Variants in KIF12 observed in about 807,000 individuals in gnomAD.
The protein encoded by KIF12 is kinesin-like protein KIF12.
In KIF12, 80 loss-of-function variants were observed where a neutral mutation model predicts 87.9. The ratio of observed to expected loss-of-function variants is 0.91; its 90% CI spans 0.76 to 1.10. The LOEUF (loss-of-function observed/expected upper bound fraction) is 1.10, where lower values mean the gene tolerates loss of function less well. KIF12 is among the 50% of genes least tolerant of loss of function. The pLI is 0.00. For missense variants in KIF12, 819 were observed against 865.3 expected (o/e 0.95, Z 0.67); for synonymous variants, 353 against 348.5 (o/e 1.01, Z -0.14).
At chr9:114,098,506 GA>G in intron 3 of KIF12, 77 bp from the exon 4 acceptor site, 1 of 796,838 alleles carries the variant, frequency 1.3e-6, no homozygotes, top group South Asian at 2.8e-5. Flanking sequence ...CACCGTGGAG[GA>G]GGGCGGGGCA....
chr9:114,094,457 T>C lies in KIF12; in HGVS notation c.1120-2A>G, dbSNP rs1477716936. ...CTGGGGCTGCTTTGCCACAGGAGAC[T>C]GTAGGGAAAGAGGCCCAGAGCCACC... On this transcript the variant is annotated splice_acceptor_variant, in intron 11 of 18. Coordinates refer to ENST00000640217, the MANE Select transcript of KIF12 (RefSeq NM_001388308.1). LOFTEE classifies it high-confidence loss of function. 1 of 1,599,964 alleles carries C rather than the reference T, an allele frequency of 6.3e-7. No individual in the cohort carries two copies. The highest frequency in any genetic ancestry group is 8.6e-7 in the Non-Finnish European group (1 of 1,168,652).
rs758275440 is a variant in KIF12 at position 114,091,910 on chromosome 9, G to C, written c.1907C>G (p.Pro636Arg). 2 of 1,612,974 alleles carry C rather than the reference G, an allele frequency of 1.2e-6. No individual in the cohort carries two copies. Among genetic ancestry groups the C allele is most frequent in the East Asian group, 4.5e-5 (2 of 44,866 alleles). Residue 636 changes from proline (P) to arginine (R), a missense_variant, in exon 19 of 19, where the codon CCC becomes CGC. Coordinates refer to ENST00000640217, the MANE Select transcript of KIF12 (RefSeq NM_001388308.1). Reference sequence around the variant, plus strand: ...TGGGCTCCGTGCGCCCTCACTGCAGGGTGGCTGGCTGCGGCCACGTCGCAG... The same window carrying C: ...TGGGCTCCGTGCGCCCTCACTGCAGCGTGGCTGGCTGCGGCCACGTCGCAG... The part of the protein sequence containing the change: ...SSLRRGRSQP[P>R]CSEGARSPGQ...
intron 13 of KIF12, 101 bp downstream of exon 13, chr9:114,094,080 C>T (rs1329570549): frequency 1.4e-6 from 2 of 1,446,502 alleles, no homozygotes; most frequent in African/African-American, 1.4e-5. Flanking sequence ...CAGGTGGGGA[C>T]ATAAGGGAGC....
rs770823288 is a variant in KIF12, at chr9:114,092,299, A to G, written c.1816+34T>C. The G allele has an allele frequency of 2.6e-6, 4 of 1,517,844 alleles. No homozygotes were observed. The African/African-American group carries it at 4.2e-5, about 16-fold the overall frequency. The allele number at this position is 1,517,844 out of a possible 1,614,324, so 94.0% of individuals were successfully genotyped here. ...GGGTTCTACCCCAAGATCACAGAGA[A>G]CATTAGGGGCCCCTCCCTCTCTCCC... On this transcript the variant is annotated intron_variant, in intron 18 of 18. Transcript: ENST00000640217.
chr9:114,092,238 C>T (rs1424705699), intron 18 of KIF12, 95 bp downstream of exon 18: 3 of 1,483,998 alleles, frequency 2.0e-6, no homozygotes, highest in South Asian at 1.4e-5. Context: ...CAACACCCAC[C>T]CCATTTCAGA....
At position 114,094,386 on chromosome 9, in the gene KIF12, G is replaced by C. The variant is rs1156702025; in HGVS notation, c.1189C>G (p.Leu397Val). 1.2e-6 allele frequency: 2 copies of C among 1,613,942 alleles called. No individual in the cohort carries two copies. Among genetic ancestry groups the C allele is most frequent in the Admixed American group, 3.3e-5 (2 of 60,002 alleles). Residue 397 changes from leucine to valine, a missense_variant, in exon 12 of 19, where the codon CTG (leucine) becomes GTG (valine). Physicochemically the swap from Leu to Val is conservative, Grantham distance 32. Transcript: ENST00000640217. ...MLQLQEENRR[L>V]QFQLDQMDCK... ...TCCATTTGGTCCAGCTGGAACTGCA[G>C]GCGACGGTTCTCCTCCTGGAGCTGC...
intron 11 of KIF12, 63 bp from the exon 12 acceptor site, chr9:114,094,518 T>G: frequency 1.0e-6 from 1 of 975,908 alleles, no homozygotes; most frequent in Non-Finnish European, 1.6e-6. Context: ...GCACAAGAAC[T>G]TCCGGGTGTG....
chr9:114,098,507 A>ACCGTGGT, intron 3 of KIF12, 78 bp from the exon 4 acceptor site: 1 of 387,136 alleles, frequency 2.6e-6, no homozygotes, highest in Non-Finnish European at 3.3e-6. Flanking sequence ...ACCGTGGAGG[A>ACCGTGGT]GGGCGGGGCA....
At position 114,093,945 on chromosome 9, in the gene KIF12, G is replaced by A. The variant is rs753706986; in HGVS notation, c.1341C>T (p.Ser447=). The A allele has an allele frequency of 1.2e-6, 2 of 1,614,102 alleles. No individual in the cohort carries two copies. Among genetic ancestry groups the A allele is most frequent in the Non-Finnish European group, 8.5e-7 (1 of 1,180,016 alleles). The change falls in exon 14 of 19, where the codon AGC becomes AGT. Residue 447 remains serine (S), a synonymous_variant. Coordinates refer to ENST00000640217, the MANE Select transcript of KIF12 (RefSeq NM_001388308.1). ...GCTGCTCATTCTGGGCCAGGTCTCG[G>A]CTATTCTGCAGCTGGCTCTTTTCTT... ...LRKEKSQLQN[S]RDLAQNEQRI...
Position 114,091,829 on chromosome 9 carries a change from A to G in KIF12, c.*32T>C. ...AGAGTGTGGAGCCCAGTCTGAGGTC[A>G]CACAGCAGTCTCCTGGGTTCCCACT... On this transcript the variant is annotated 3_prime_UTR_variant, in exon 19 of 19. Transcript: ENST00000640217. 6.4e-7 allele frequency: 1 copy of G among 1,564,742 alleles called. No individual in the cohort carries two copies. Among genetic ancestry groups the G allele is most frequent in the Non-Finnish European group, 8.7e-7 (1 of 1,149,650 alleles).
chr9:114,091,945 A>C lies in KIF12; in HGVS notation c.1872T>G (p.Ile624Met), dbSNP rs1384456200. 6.2e-7 allele frequency: 1 copy of C among 1,612,960 alleles called. No homozygotes were observed. The highest frequency in any genetic ancestry group is 1.7e-5 in the Admixed American group (1 of 60,006). Residue 624 changes from isoleucine to methionine, a missense_variant, in exon 19 of 19, where the codon ATT (isoleucine) becomes ATG (methionine). By Grantham distance (10) the Ile-to-Met change is conservative. Transcript: ENST00000640217. Reference sequence around the variant, plus strand: ...TGCGGCCACGTCGCAGGGAGCTGCCAATCTGGTCTCTGAGGGCCTCCAGTC... The same window carrying C: ...TGCGGCCACGTCGCAGGGAGCTGCCCATCTGGTCTCTGAGGGCCTCCAGTC... ...AQRLEALRDQ[I>M]GSSLRRGRSQ...
Position 114,091,763 on chromosome 9 carries a change from A to T in KIF12, c.*98T>A. On this transcript the variant is annotated 3_prime_UTR_variant, in exon 19 of 19. Coordinates refer to ENST00000640217, the MANE Select transcript of KIF12 (RefSeq NM_001388308.1). Reference sequence around the variant, plus strand: ...CTAGCCCAGCTGCAGGTGGAGTAGCAGCTGCTGTCTCCATTCAGCAGATGG... The same window carrying T: ...CTAGCCCAGCTGCAGGTGGAGTAGCTGCTGCTGTCTCCATTCAGCAGATGG... The T allele has an allele frequency of 7.8e-7, 1 of 1,279,090 alleles. No homozygotes were observed. The highest frequency in any genetic ancestry group is 1.1e-6 in the Non-Finnish European group (1 of 946,872). The allele number at this position is 1,279,090 out of a possible 1,614,324, so 79.2% of individuals were successfully genotyped here. A position where few individuals can be genotyped will look rare whatever the true frequency, so the allele number is the denominator to read the frequency against.
At chr9:114,097,843 A>G in intron 5 of KIF12, 102 bp from the exon 6 acceptor site, 1 of 1,311,102 alleles carries the variant, frequency 7.6e-7, no homozygotes, top group East Asian at 2.5e-5. Context: ...CAAGTTCCCA[A>G]ACAATGGCTC....
rs979162652 is a variant in KIF12 at position 114,099,196 on chromosome 9, A to G, written c.27-27T>C. 7 of 1,550,274 alleles carry G rather than the reference A, an allele frequency of 4.5e-6. No homozygotes were observed. In the African/African-American group the frequency reaches 9.7e-5, roughly 21 times the overall value. ...TGTGGGCAGCAATGCGACTTATCAT[A>G]CCTGCACCTAGCGGCTGTTCAGGAC... On this transcript the variant is annotated intron_variant, in intron 1 of 18. Coordinates refer to ENST00000640217, the MANE Select transcript of KIF12 (RefSeq NM_001388308.1).
chr9:114,093,217 G>A lies in KIF12; in HGVS notation c.1596+12C>T. Reference sequence around the variant, plus strand: ...CCCAGCCTTCCCTCACTCCCACCATGGCCTTTCCTACCTGGGGCAGGTGGT... The same window carrying A: ...CCCAGCCTTCCCTCACTCCCACCATAGCCTTTCCTACCTGGGGCAGGTGGT... On this transcript the variant is annotated intron_variant, in intron 16 of 18. Transcript: ENST00000640217. The A allele has an allele frequency of 3.2e-6, 5 of 1,544,690 alleles. No homozygotes were observed. The highest frequency in any genetic ancestry group is 4.4e-6 in the Non-Finnish European group (5 of 1,140,858).
chr9:114,093,619 G>C (rs1181118973), intron 14 of KIF12, 122 bp from the exon 15 acceptor site: 1 of 822,338 alleles, frequency 1.2e-6, no homozygotes, highest in Non-Finnish European at 2.0e-6. Flanking sequence ...CATTCTCAAA[G>C]TTTTACATGT....
intron 16 of KIF12, 22 bp from the exon 17 acceptor site, chr9:114,092,664 ACTCTGGGTGAC>A (rs1352489705): frequency 6.4e-7 from 1 of 1,557,044 alleles, no homozygotes; most frequent in Non-Finnish European, 8.6e-7. Flanking sequence ...ACCAGAGTCC[ACTCTGGGTGAC>A]CTCAGTCCTG....
rs370397748 is a variant in KIF12, at chr9:114,095,228, C to T, written c.1000G>A (p.Gly334Arg). The change falls in exon 10 of 19, where the codon GGG becomes AGG. Residue 334 changes from glycine (G) to arginine (R), a missense_variant. Physicochemically the swap from Gly to Arg is moderately radical, Grantham distance 125. Transcript: ENST00000640217. ...CGCTTAAGTACCATGAGGGTGACCC[C>T]GCGCCCTCCCAGTGAGTCTGCCAGC... is the stretch of plus-strand genomic sequence containing the variant. ...KLLADSLGGRGVTLMVACVSP... is the reference protein window; with the variant it reads ...KLLADSLGGRRVTLMVACVSP... 62 of 1,613,666 alleles carry T rather than the reference C, an allele frequency of 3.8e-5. No homozygotes were observed. Among genetic ancestry groups the T allele is most frequent in the African/African-American group, 6.7e-5 (5 of 74,916 alleles).
rs1459902222 is a variant in KIF12, at chr9:114,099,022, C to T, written c.93-9G>A. Reference sequence around the variant, plus strand: ...CGCTCATGGGACGTACCCTGGGGTCCGACAGAAGGGCAGATGGTACATCCT... The same window carrying T: ...CGCTCATGGGACGTACCCTGGGGTCTGACAGAAGGGCAGATGGTACATCCT... On this transcript the variant is annotated splice_polypyrimidine_tract_variant and intron_variant, in intron 2 of 18. Coordinates refer to ENST00000640217, the MANE Select transcript of KIF12 (RefSeq NM_001388308.1). 1.9e-6 allele frequency: 3 copies of T among 1,550,296 alleles called. No individual in the cohort carries two copies. The highest frequency in any genetic ancestry group is 4.9e-5 in the East Asian group (2 of 40,872).
Sources: gnomAD v4.1 joint callset for allele counts on GRCh38, gnomAD v4.1.1 for gene constraint, MANE v1.5 for transcripts, NCBI Gene and HGNC (gene_info 2026-07-23, HGNC 2026-07-21) for gene names.